PPFIA2: variants seen among roughly 807,000 people sequenced by gnomAD.
PPFIA2 encodes the protein PPFI scaffold protein A2, also known as liprin-alpha-2.
A neutral mutation model predicts 175.5 loss-of-function variants in PPFIA2; 46 were observed. The ratio of observed to expected loss-of-function variants is 0.26; its 90% confidence interval spans 0.21 to 0.34. The LOEUF is 0.34. Among genes scored for constraint, PPFIA2 ranks in the 10% least tolerant of loss-of-function variants. PPFIA2 has a pLI of 1.00. For synonymous variants in PPFIA2, 568 were observed against 511.4 expected (o/e 1.11, Z -1.49); for missense variants, 1,179 against 1,506.1 (o/e 0.78, Z 3.60).
intron 21 of PPFIA2, among the ~76,000 whole-genome samples, chr12:81,334,069 ACAT>A (rs2056657768): frequency 6.6e-6 from 1 of 152,230 alleles, no homozygotes; most frequent in Admixed American, 6.5e-5. Context: ...CAAACAAAGG[ACAT>A]TAGTCTGACA....
chr12:81,357,455 G>A (rs11114831), intron 16 of PPFIA2, among the ~76,000 whole-genome samples: 54,854 of 151,948 alleles, frequency 0.36, 11,436 homozygotes, highest in African/African-American at 0.57. Flanking sequence ...TTACTTCTCT[G>A]TAAAATACAA....
chr12:81,590,905 G>T (rs750738474), intron 4 of PPFIA2, among the ~76,000 whole-genome samples: 2 of 152,108 alleles, frequency 1.3e-5, no homozygotes. Flanking sequence ...TACCAGGAGT[G>T]GGGTATTGCT....
intron 4 of PPFIA2, among the ~76,000 whole-genome samples, chr12:81,555,559 G>C (rs1295244171): frequency 3.3e-5 from 5 of 151,946 alleles, no homozygotes; most frequent in African/African-American, 9.7e-5. Flanking sequence ...TTTTCAAACA[G>C]TGACAGACTT....
At chr12:81,649,129 T>C (rs969760278) in intron 4 of PPFIA2, among the ~76,000 whole-genome samples, 2 of 152,070 alleles carry the variant, frequency 1.3e-5, no homozygotes, top group South Asian at 4.1e-4. Context: ...AAATTAAAAT[T>C]GCTCTTTGAA....
chr12:81,462,570 G>GTA (rs1254816940), intron 4 of PPFIA2, among the ~76,000 whole-genome samples: 183 of 74,158 alleles, frequency 2.5e-3, no homozygotes, highest in African/African-American at 3.7e-3. Context: ...ATATATATGT[G>GTA]TATATATATA....
intron 21 of PPFIA2, among the ~76,000 whole-genome samples, chr12:81,328,814 CTTTCTTTTTT>C (rs1409904412): frequency 1.0e-5 from 1 of 96,784 alleles, no homozygotes; most frequent in East Asian, 3.8e-4. Flanking sequence ...TTTTTTCTTT[CTTTCTTTTTT>C]TTTTTTTTTT....
In PPFIA2 at chr12:81,482,831, T is replaced by G. The variant is rs533202210; in HGVS notation, c.304-24965A>C. ...GTGTAGCAAACCACCATGGCACATG[T>G]GTACTTATGTAACAAACCTGCAGGT... On this transcript the variant is annotated intron_variant, in intron 4 of 32. Transcript: ENST00000549396. Among the ~76,000 whole-genome samples, 36 of 152,206 alleles carry G rather than the reference T, an allele frequency of 2.4e-4. No homozygotes were observed. The South Asian group carries it at 7.5e-3, about 31-fold the overall frequency.
chr12:81,568,823 T>C (rs2071898604), intron 4 of PPFIA2, among the ~76,000 whole-genome samples: 1 of 152,182 alleles, frequency 6.6e-6, no homozygotes, highest in Non-Finnish European at 1.5e-5. Flanking sequence ...CTCTACAGCG[T>C]TACTCAGTGT....
intron 3 of PPFIA2, among the ~76,000 whole-genome samples, chr12:81,732,180 A>G (rs1196227990): frequency 2.0e-5 from 3 of 151,620 alleles, no homozygotes; most frequent in Non-Finnish European, 3.0e-5. Flanking sequence ...CAAAGTGATG[A>G]AATCAAATGT....
chr12:81,315,425 C>T (rs542206730), intron 22 of PPFIA2, among the ~76,000 whole-genome samples: 11 of 151,564 alleles, frequency 7.3e-5, no homozygotes, highest in African/African-American at 2.4e-4. Context: ...AAATTATGGA[C>T]GTGATCTAAG....
intron 3 of PPFIA2, among the ~76,000 whole-genome samples, chr12:81,685,383 A>G (rs1031214535): frequency 6.6e-6 from 1 of 152,094 alleles, no homozygotes; most frequent in African/African-American, 2.4e-5. Flanking sequence ...AATTTTTCCT[A>G]TGTAAGCCAA....
At chr12:81,290,400 G>C (rs528159381) in intron 24 of PPFIA2, among the ~76,000 whole-genome samples, 4 of 151,862 alleles carry the variant, frequency 2.6e-5, no homozygotes, top group African/African-American at 9.6e-5. Context: ...AAATATATTA[G>C]AAATGAGTAA....
intron 4 of PPFIA2, among the ~76,000 whole-genome samples, chr12:81,641,463 G>T (rs2064958331): frequency 6.6e-6 from 1 of 152,122 alleles, no homozygotes; most frequent in Non-Finnish European, 1.5e-5. Context: ...GTGATTGACT[G>T]TGGCCCAAAG....
chr12:81,525,240 C>G (rs905106378), intron 4 of PPFIA2, among the ~76,000 whole-genome samples: 3 of 152,124 alleles, frequency 2.0e-5, no homozygotes, highest in African/African-American at 7.2e-5. Flanking sequence ...CTGGTGTTCA[C>G]TTTCTATACA....
chr12:81,302,090 G>A, intron 22 of PPFIA2: 1 of 306,170 alleles, frequency 3.3e-6, no homozygotes, highest in East Asian at 9.7e-5. Flanking sequence ...TAAACAAAAT[G>A]CCAATCAGTG....
chr12:81,392,126 A>G (rs1361692137), intron 8 of PPFIA2, among the ~76,000 whole-genome samples: 1 of 151,944 alleles, frequency 6.6e-6, no homozygotes, highest in Non-Finnish European at 1.5e-5. Context: ...GTGAAAAATT[A>G]CGTTGGCTTA....
intron 9 of PPFIA2, among the ~76,000 whole-genome samples, chr12:81,376,842 A>G (rs1414060774): frequency 6.6e-6 from 1 of 152,132 alleles, no homozygotes; most frequent in Non-Finnish European, 1.5e-5. Flanking sequence ...ATTATCCAGA[A>G]TCATTTCATC....
At chr12:81,629,482 A>G (rs1355452442) in intron 4 of PPFIA2, among the ~76,000 whole-genome samples, 1 of 152,116 alleles carries the variant, frequency 6.6e-6, no homozygotes, top group African/African-American at 2.4e-5. Context: ...ATTACCATCT[A>G]TACTCAATGC....
At position 81,272,818 on chromosome 12, in the gene PPFIA2, A is replaced by G. The variant is rs532278600; in HGVS notation, c.3310+4499T>C. Among the ~76,000 whole-genome samples the G allele has an allele frequency of 7.9e-5, 12 of 152,308 alleles. 2 individuals carry two copies. The South Asian group carries it at 1.7e-3, about 21-fold the overall frequency. ...ATAAGGGCAGATCAACTTAATTCCAATTAAAGATTGAGATAAATCAATGCT... is the reference window on the plus strand; with the variant it reads ...ATAAGGGCAGATCAACTTAATTCCAGTTAAAGATTGAGATAAATCAATGCT... On this transcript the variant is annotated intron_variant, in intron 28 of 32. Transcript: ENST00000549396.
Sources: allele counts gnomAD v4.1 joint callset (sites outside exome capture counted in the v4.1 genomes callset), GRCh38; gene constraint gnomAD v4.1.1; transcripts MANE v1.5; gene names NCBI Gene and HGNC (gene_info 2026-07-23, HGNC 2026-07-21).